Variants in TENM3 observed in about 807,000 individuals in gnomAD.
TENM3 encodes teneurin transmembrane protein 3.
TENM3 carries 63 observed loss-of-function variants against 255.1 expected under a neutral mutation model. The observed-to-expected ratio is 0.25, with a 90% CI of 0.20 to 0.30. TENM3 has a LOEUF of 0.30. TENM3 is among the 10% of genes least tolerant of loss of function. The pLI, the probability that TENM3 is intolerant of heterozygous loss-of-function variation, is 1.00. For synonymous variants in TENM3, 1,306 were observed against 1,322.3 expected, an observed-to-expected ratio of 0.99 and a Z score of 0.27; for missense variants, 2,929 against 3,461.1, an observed-to-expected ratio of 0.85 and a Z score of 3.86.
At chr4:182,752,105 T>G in intron 20 of TENM3, 73 bp downstream of exon 20, 2 of 959,620 alleles carry the variant, frequency 2.1e-6, no homozygotes, top group Non-Finnish European at 3.0e-6. Flanking sequence ...GAAAATCCAT[T>G]TAGTGCCTAG....
At chr4:181,585,602 T>TATTATTTA in the TENM3 span, among the ~76,000 whole-genome samples, 1 of 152,220 alleles carries the variant, frequency 6.6e-6, no homozygotes, top group African/African-American at 2.4e-5. Flanking sequence ...TTTTTAAAAT[T>TATTATTTA]ATTATTTAAG....
the TENM3 span, among the ~76,000 whole-genome samples, chr4:181,511,955 G>T: frequency 1.3e-5 from 2 of 152,080 alleles, no homozygotes; most frequent in Non-Finnish European, 2.9e-5. Flanking sequence ...GTGTTAGGGT[G>T]CCCAGCATCA....
chr4:181,850,901 G>T, the TENM3 span, among the ~76,000 whole-genome samples: 1 of 151,734 alleles, frequency 6.6e-6, no homozygotes, highest in Non-Finnish European at 1.5e-5. Flanking sequence ...CATTCCACAC[G>T]TCCAAAACTA....
chr4:181,819,718 C>T, the TENM3 span, among the ~76,000 whole-genome samples: 9 of 152,144 alleles, frequency 5.9e-5, no homozygotes, highest in Non-Finnish European at 1.3e-4. Context: ...GTGGAGTTCA[C>T]GATAAGGTTC....
At chr4:182,310,352 T>C (rs545342919) in intron 1 of TENM3, among the ~76,000 whole-genome samples, 18 of 151,938 alleles carry the variant, frequency 1.2e-4, no homozygotes, top group Middle Eastern at 6.8e-3. Flanking sequence ...CGTGCCACCA[T>C]ACACAGCTCT....
chr4:182,046,291 TC>T, the TENM3 span, among the ~76,000 whole-genome samples: 1 of 152,128 alleles, frequency 6.6e-6, no homozygotes, highest in East Asian at 1.9e-4. Flanking sequence ...GGAAATATTA[TC>T]TTTTTATATC....
chr4:181,726,240 T>C, the TENM3 span, among the ~76,000 whole-genome samples: 1 of 152,286 alleles, frequency 6.6e-6, no homozygotes, highest in African/African-American at 2.4e-5. Context: ...CCACCTACTA[T>C]ATGCTAAATG....
chr4:181,545,434 A>C, the TENM3 span, among the ~76,000 whole-genome samples: 2 of 152,228 alleles, frequency 1.3e-5, no homozygotes, highest in Non-Finnish European at 2.9e-5. Flanking sequence ...AACGGAAAGA[A>C]AAATTAAAAA....
At chr4:181,804,480 C>A in the TENM3 span, among the ~76,000 whole-genome samples, 1 of 152,084 alleles carries the variant, frequency 6.6e-6, no homozygotes, top group African/African-American at 2.4e-5. Flanking sequence ...ATACACAGAT[C>A]ATTAAAGTTA....
chr4:182,314,647 C>T (rs1418398347), intron 1 of TENM3, among the ~76,000 whole-genome samples: 1 of 152,002 alleles, frequency 6.6e-6, no homozygotes, highest in Admixed American at 6.6e-5. Flanking sequence ...TACTTTTAAC[C>T]TATTTGTGTT....
At position 182,364,660 on chromosome 4, in the gene TENM3, C is replaced by T. The variant is rs149041876; in HGVS notation, c.511+17731C>T. Among the ~76,000 whole-genome samples the T allele has an allele frequency of 2.8e-3, 429 of 152,276 alleles. 1 individual carries two copies. The highest frequency in any genetic ancestry group is 0.01 in the African/African-American group (417 of 41,546). ...GGTCTCAACCTCCTGACCTCGTGAT[C>T]CGCTCGTCTCGGCCTCCCATAGTGC... On this transcript the variant is annotated intron_variant, in intron 3 of 27. Coordinates refer to ENST00000511685, the MANE Select transcript of TENM3 (RefSeq NM_001080477.4).
At chr4:181,642,105 C>T in the TENM3 span, among the ~76,000 whole-genome samples, 5 of 151,936 alleles carry the variant, frequency 3.3e-5, no homozygotes, top group East Asian at 9.7e-4. Flanking sequence ...AAAAGCATTC[C>T]TATTTCTCCA....
At chr4:182,621,802 T>C (rs1229350785) in intron 4 of TENM3, among the ~76,000 whole-genome samples, 3 of 5,546 alleles carry the variant, frequency 5.4e-4, no homozygotes, top group Non-Finnish European at 5.1e-3. Context: ...TAATATATAA[T>C]ATATATATTA....
the TENM3 span, among the ~76,000 whole-genome samples, chr4:181,756,451 G>A: frequency 0.39 from 59,192 of 152,074 alleles, 11,577 homozygotes; most frequent in African/African-American, 0.42. Context: ...ATAAAACAAT[G>A]GAAGCCTATG....
chr4:182,276,267 C>T (rs1759993667), intron 1 of TENM3, among the ~76,000 whole-genome samples: 1 of 152,198 alleles, frequency 6.6e-6, no homozygotes, highest in Non-Finnish European at 1.5e-5. Context: ...TACGGTCAAA[C>T]CAGATGTCTC....
At chr4:181,543,705 T>A in the TENM3 span, among the ~76,000 whole-genome samples, 1 of 152,208 alleles carries the variant, frequency 6.6e-6, no homozygotes, top group Non-Finnish European at 1.5e-5. Context: ...CCTCCATTCT[T>A]CAACCTGGCT....
chr4:182,351,762 C>T (rs1765195686), intron 3 of TENM3, among the ~76,000 whole-genome samples: 1 of 152,126 alleles, frequency 6.6e-6, no homozygotes, highest in African/African-American at 2.4e-5. Flanking sequence ...ATGGGCACTA[C>T]CACCTCCCGA....
the TENM3 span, among the ~76,000 whole-genome samples, chr4:181,924,300 C>A: frequency 6.6e-6 from 1 of 152,190 alleles, no homozygotes; most frequent in African/African-American, 2.4e-5. Context: ...TGATGATGCT[C>A]ATGCTGCTGA....
At chr4:182,400,822 G>T (rs1202492203) in intron 3 of TENM3, among the ~76,000 whole-genome samples, 3 of 152,136 alleles carry the variant, frequency 2.0e-5, no homozygotes, top group African/African-American at 7.2e-5. Context: ...TCCTCTGAGA[G>T]ATGCTTACTT....
Sources: allele counts gnomAD v4.1 joint callset (sites outside exome capture counted in the v4.1 genomes callset), GRCh38; gene constraint gnomAD v4.1.1; transcripts MANE v1.5; gene names NCBI Gene and HGNC (gene_info 2026-07-23, HGNC 2026-07-21).